Variants in MAP3K13 observed in about 807,000 individuals in gnomAD.
MAP3K13 encodes the protein mitogen-activated protein kinase kinase kinase 13, also known as leucine zipper-bearing kinase.
Under a neutral mutation model 104.0 loss-of-function variants are expected in MAP3K13, and 52 were observed. The observed-to-expected ratio is 0.50, with a 90% CI of 0.40 to 0.63. MAP3K13 has a LOEUF of 0.63. Among genes scored for constraint, MAP3K13 ranks in the 20% least tolerant of loss-of-function variants. The pLI is 0.00. For missense variants in MAP3K13, 914 were observed against 1,218.5 expected, an observed-to-expected ratio of 0.75 and a Z score of 3.72; for synonymous variants, 394 against 442.2, an observed-to-expected ratio of 0.89 and a Z score of 1.37.
At position 185,346,943 on chromosome 3, in the gene MAP3K13, A is replaced by AT. The variant is rs1474453159; in HGVS notation, c.-86+61304dup. 2.0e-5 allele frequency among the ~76,000 whole-genome samples: 3 copies of AT among 147,440 alleles called. No homozygotes were observed. In the East Asian group the frequency reaches 6.0e-4, roughly 29 times the overall value. On this transcript the variant is annotated intron_variant, in intron 2 of 14. Coordinates refer to the MAP3K13 transcript ENST00000424227. ...CATTTGTTCAAATTAGTAAAAGTGC[A>AT]TTTTGCACTACTTTTGAACTGAGGT...
intron 2 of MAP3K13, among the ~76,000 whole-genome samples, chr3:185,288,013 G>A (rs1279996841): frequency 6.6e-6 from 1 of 152,134 alleles, no homozygotes; most frequent in Non-Finnish European, 1.5e-5. Context: ...CTCCATCCTG[G>A]GCAAACTTGG....
At chr3:185,336,491 G>A (rs1012094740) in intron 2 of MAP3K13, among the ~76,000 whole-genome samples, 1 of 149,692 alleles carries the variant, frequency 6.7e-6, no homozygotes, top group African/African-American at 2.5e-5. Flanking sequence ...GCAGTAAGCC[G>A]AGATGGCGCC....
intron 1 of MAP3K13, among the ~76,000 whole-genome samples, chr3:185,381,672 T>C (rs1315872469): frequency 6.6e-6 from 1 of 152,240 alleles, no homozygotes. Context: ...TGAAATGCTG[T>C]CTAGTGTTCC....
chr3:185,313,978 T>C (rs549283457), intron 2 of MAP3K13, among the ~76,000 whole-genome samples: 1 of 152,340 alleles, frequency 6.6e-6, no homozygotes, highest in South Asian at 2.1e-4. Flanking sequence ...GCAGAATGTG[T>C]TGCCAAGAAA....
At chr3:185,367,325 G>A (rs1723935917) in intron 1 of MAP3K13, among the ~76,000 whole-genome samples, 1 of 152,158 alleles carries the variant, frequency 6.6e-6, no homozygotes, top group African/African-American at 2.4e-5. Flanking sequence ...AAGCTTCCCA[G>A]CTGAGTCTAA....
At chr3:185,332,236 C>A (rs370978191) in intron 2 of MAP3K13, among the ~76,000 whole-genome samples, 11 of 132,374 alleles carry the variant, frequency 8.3e-5, no homozygotes, top group African/African-American at 3.0e-4. Flanking sequence ...TCCCCCCCCC[C>A]ATTATAAGAG....
chr3:185,333,791 T>C (rs186489085), intron 2 of MAP3K13, among the ~76,000 whole-genome samples: 1 of 152,270 alleles, frequency 6.6e-6, no homozygotes, highest in Non-Finnish European at 1.5e-5. Context: ...TGGTGGCCCA[T>C]GCCTATAAAC....
At chr3:185,427,179 C>T (rs1714469587) in intron 1 of MAP3K13, among the ~76,000 whole-genome samples, 1 of 149,980 alleles carries the variant, frequency 6.7e-6, no homozygotes, top group Admixed American at 6.7e-5. Context: ...ATAGTGAAAT[C>T]CCGTCTCTAC....
chr3:185,424,554 T>C (rs1714309539), intron 1 of MAP3K13, among the ~76,000 whole-genome samples: 1 of 152,226 alleles, frequency 6.6e-6, no homozygotes, highest in Non-Finnish European at 1.5e-5. Context: ...TTGTCAAATA[T>C]TTAGAAACTT....
intron 2 of MAP3K13, among the ~76,000 whole-genome samples, chr3:185,337,713 C>A (rs1025846610): frequency 1.3e-5 from 2 of 151,770 alleles, no homozygotes; most frequent in Admixed American, 6.6e-5. Flanking sequence ...TCTTTTCTAG[C>A]AACCTGATTC....
At chr3:185,452,546 C>T (rs555657699) in intron 7 of MAP3K13, among the ~76,000 whole-genome samples, 2 of 152,262 alleles carry the variant, frequency 1.3e-5, no homozygotes, top group East Asian at 1.9e-4. Context: ...CATCCCAAAA[C>T]TTATGGCTTA....
intron 1 of MAP3K13, among the ~76,000 whole-genome samples, chr3:185,422,174 A>T (rs1311943387): frequency 2.0e-5 from 3 of 152,220 alleles, no homozygotes; most frequent in Non-Finnish European, 1.5e-5. Flanking sequence ...TGCATCTAGA[A>T]TAGCACTGGG....
intron 1 of MAP3K13, among the ~76,000 whole-genome samples, chr3:185,398,556 T>TTGAGACTAGG (rs1712564908): frequency 6.6e-6 from 1 of 152,238 alleles, no homozygotes; most frequent in African/African-American, 2.4e-5. Context: ...ACTTGAGTTC[T>TTGAGACTAGG]GAAGAGCAGG....
intron 12 of MAP3K13, among the ~76,000 whole-genome samples, chr3:185,478,377 A>G (rs1167590224): frequency 6.6e-6 from 1 of 152,170 alleles, no homozygotes; most frequent in Non-Finnish European, 1.5e-5. Flanking sequence ...GCCTGGAAAC[A>G]GGAATTCCCT....
chr3:185,460,110 C>T (rs1717012269), intron 7 of MAP3K13, among the ~76,000 whole-genome samples: 1 of 152,086 alleles, frequency 6.6e-6, no homozygotes, highest in Non-Finnish European at 1.5e-5. Flanking sequence ...ATCCGTTTAT[C>T]TATTAATTTG....
At chr3:185,342,785 C>T (rs561911912) in intron 2 of MAP3K13, among the ~76,000 whole-genome samples, 3 of 152,278 alleles carry the variant, frequency 2.0e-5, no homozygotes, top group South Asian at 4.1e-4. Flanking sequence ...AACTCAGTGG[C>T]TCAAAACAAT....
Position 185,455,360 on chromosome 3 carries a change from TGA to T in MAP3K13, c.1278+3968_1278+3969del, listed in dbSNP as rs374098652. Among the ~76,000 whole-genome samples, 89 of 90,650 alleles carry T rather than the reference TGA, an allele frequency of 9.8e-4. 17 individuals carry two copies. The highest frequency in any genetic ancestry group is 3.2e-3 in the African/African-American group (79 of 24,724). The allele number at this position is 90,650 out of a possible 152,430, so 59.5% of individuals were successfully genotyped here. ...ATATGAGATATATATGATATATATA[TGA>T]GATATATATGATATATATGATATAT... On this transcript the variant is annotated intron_variant, in intron 7 of 13. Coordinates refer to ENST00000265026, the MANE Select transcript of MAP3K13 (RefSeq NM_004721.5).
rs766769856 is a variant in MAP3K13 at position 185,447,813 on chromosome 3, G to T, written c.876G>T (p.Ala292=). ...GTGTTTTAGTGACCCACACAGATGC[G>T]GTAAAAATTTCAGATTTTGGTACAT... ...SPNVLVTHTD[A]VKISDFGTSK... Residue 292 remains alanine, a synonymous_variant, in exon 5 of 14, where the codon GCG becomes GCT. Coordinates refer to ENST00000265026, the MANE Select transcript of MAP3K13 (RefSeq NM_004721.5). The T allele has an allele frequency of 7.4e-6, 12 of 1,611,962 alleles. No homozygotes were observed. Among genetic ancestry groups the T allele is most frequent in the African/African-American group, 6.7e-5 (5 of 74,666 alleles).
intron 1 of MAP3K13, among the ~76,000 whole-genome samples, chr3:185,378,017 T>G (rs967279864): frequency 1.7e-4 from 26 of 152,028 alleles, no homozygotes; most frequent in Non-Finnish European, 3.7e-4. Context: ...GGGGGGAGGT[T>G]CTGGAGGAAC....
Sources: allele counts gnomAD v4.1 joint callset (sites outside exome capture counted in the v4.1 genomes callset), GRCh38; gene constraint gnomAD v4.1.1; transcripts MANE v1.5; gene names NCBI Gene and HGNC (gene_info 2026-07-23, HGNC 2026-07-21).